SLC3A1: variants seen among roughly 807,000 people sequenced by gnomAD.
SLC3A1 encodes the protein solute carrier family 3 member 1.
SLC3A1 carries 78 observed loss-of-function variants against 60.3 expected under a neutral mutation model. That is an observed-to-expected ratio of 1.29 (90% CI 1.08 to 1.56). SLC3A1 has a LOEUF of 1.56. Among genes scored for constraint, SLC3A1 ranks in the 40% most tolerant of loss-of-function variants. The pLI is 0.00. For synonymous variants in SLC3A1, 392 were observed against 307.9 expected (o/e 1.27, Z -2.86); for missense variants, 1,172 against 858.9 (o/e 1.36, Z -4.56).
chr2:44,299,475 A>T (rs1273140246), intron 4 of SLC3A1, among the ~76,000 whole-genome samples: 1 of 151,888 alleles, frequency 6.6e-6, no homozygotes, highest in African/African-American at 2.4e-5. Flanking sequence ...CTTCCATATT[A>T]CTCCTAGCAG....
At chr2:44,317,459 CAAA>C (rs3074505) in intron 9 of SLC3A1, among the ~76,000 whole-genome samples, 3 of 141,604 alleles carry the variant, frequency 2.1e-5, no homozygotes, top group African/African-American at 5.2e-5. Context: ...GAGATTGTGT[CAAA>C]AAAAAAAAAA....
chr2:44,293,385 T>C (rs1258652086), intron 4 of SLC3A1, among the ~76,000 whole-genome samples: 2 of 151,902 alleles, frequency 1.3e-5, no homozygotes, highest in Non-Finnish European at 2.9e-5. Context: ...GGCATGGTGG[T>C]GGGCACCTGT....
intron 4 of SLC3A1, among the ~76,000 whole-genome samples, chr2:44,291,038 T>A (rs985595015): frequency 3.3e-5 from 5 of 152,194 alleles, no homozygotes; most frequent in Non-Finnish European, 7.3e-5. Context: ...AGAAGGAAAT[T>A]GAGGCTTAGA....
chr2:44,292,650 C>T (rs1671765181), intron 4 of SLC3A1, among the ~76,000 whole-genome samples: 2 of 152,098 alleles, frequency 1.3e-5, no homozygotes, highest in Non-Finnish European at 1.5e-5. Context: ...GGTGAGATAC[C>T]TGAGGAACAG....
At chr2:44,297,808 G>A (rs561388549) in intron 4 of SLC3A1, among the ~76,000 whole-genome samples, 43 of 152,148 alleles carry the variant, frequency 2.8e-4, no homozygotes, top group African/African-American at 9.4e-4. Context: ...CATGTTGCCC[G>A]GCTGGTCTAG....
At chr2:44,294,145 T>C (rs2104353644) in intron 4 of SLC3A1, among the ~76,000 whole-genome samples, 1 of 152,144 alleles carries the variant, frequency 6.6e-6, no homozygotes, top group East Asian at 1.9e-4. Context: ...CTAAGGTATC[T>C]GAGTGTTTCC....
chr2:44,306,541 A>C (rs1672161706), intron 7 of SLC3A1, among the ~76,000 whole-genome samples: 1 of 145,178 alleles, frequency 6.9e-6, no homozygotes, highest in Non-Finnish European at 1.5e-5. Flanking sequence ...TAATTCACAT[A>C]CCATAAAACT....
chr2:44,289,885 C>T, intron 4 of SLC3A1, among the ~76,000 whole-genome samples: 1 of 152,210 alleles, frequency 6.6e-6, no homozygotes, highest in East Asian at 1.9e-4. Flanking sequence ...CCCGCCTCGG[C>T]CTCCCAAAGT....
intron 4 of SLC3A1, among the ~76,000 whole-genome samples, chr2:44,287,299 T>C (rs72873476): frequency 0.026 from 4,012 of 152,154 alleles, 170 homozygotes; most frequent in African/African-American, 0.09. Flanking sequence ...TATGATGAGA[T>C]GCTGTTTGGA....
chr2:44,289,001 A>G (rs1173487594), intron 4 of SLC3A1, among the ~76,000 whole-genome samples: 1 of 151,096 alleles, frequency 6.6e-6, no homozygotes, highest in Non-Finnish European at 1.5e-5. Context: ...TGCCCAACTA[A>G]TTTTTGTATT....
At chr2:44,303,664 T>C (rs1355268238) in intron 6 of SLC3A1, 1 of 225,814 alleles carries the variant, frequency 4.4e-6, no homozygotes, top group African/African-American at 2.2e-5. Context: ...ATGTGCCATG[T>C]TGGTTTGCTG....
chr2:44,310,396 A>G (rs994381197), intron 7 of SLC3A1, among the ~76,000 whole-genome samples: 1 of 152,170 alleles, frequency 6.6e-6, no homozygotes, highest in Non-Finnish European at 1.5e-5. Context: ...ATTGAATAAC[A>G]GTTTTGCTGG....
intron 3 of SLC3A1, among the ~76,000 whole-genome samples, chr2:44,284,757 G>A (rs779551478): frequency 6.6e-6 from 1 of 151,896 alleles, no homozygotes; most frequent in African/African-American, 2.4e-5. Context: ...GTAAATATGG[G>A]CTCTCACTAT....
chr2:44,299,569 A>G (rs1671950806), intron 4 of SLC3A1, among the ~76,000 whole-genome samples: 1 of 152,076 alleles, frequency 6.6e-6, no homozygotes, highest in Non-Finnish European at 1.5e-5. Flanking sequence ...ACAATGTGTT[A>G]TTTTCTTTGA....
intron 7 of SLC3A1, among the ~76,000 whole-genome samples, chr2:44,304,589 A>T (rs1214883447): frequency 6.6e-6 from 1 of 152,052 alleles, no homozygotes; most frequent in African/African-American, 2.4e-5. Flanking sequence ...CTTTTTGGGG[A>T]TGGATATCAA....
chr2:44,301,697 C>G (rs925353060), intron 6 of SLC3A1, among the ~76,000 whole-genome samples: 3 of 141,356 alleles, frequency 2.1e-5, no homozygotes, highest in Non-Finnish European at 4.5e-5. Flanking sequence ...CAAGATTGCA[C>G]CACTGCACTC....
chr2:44,318,314 A>C, intron 9 of SLC3A1: 1 of 222,022 alleles, frequency 4.5e-6, no homozygotes, highest in Non-Finnish European at 9.3e-6. Flanking sequence ...CTGGTCTTGA[A>C]CTCCTGACCT....
chr2:44,296,135 C>G (rs1029679420), intron 4 of SLC3A1, among the ~76,000 whole-genome samples: 1 of 152,192 alleles, frequency 6.6e-6, no homozygotes, highest in African/African-American at 2.4e-5. Context: ...CTTTGCCCCA[C>G]CAGACTTCTC....
intron 9 of SLC3A1, among the ~76,000 whole-genome samples, chr2:44,316,979 G>A (rs1255528631): frequency 6.6e-6 from 1 of 152,078 alleles, no homozygotes; most frequent in Non-Finnish European, 1.5e-5. Context: ...AAGGTATTCT[G>A]GAACAAAAAT....
Sources: allele counts gnomAD v4.1 joint callset (sites outside exome capture counted in the v4.1 genomes callset), GRCh38; gene constraint gnomAD v4.1.1; transcripts MANE v1.5; gene names NCBI Gene and HGNC (gene_info 2026-07-23, HGNC 2026-07-21).